The following TENM2 variants were observed in gnomAD, a reference collection of about 807,000 sequenced individuals.
TENM2 encodes the protein teneurin transmembrane protein 2.
In TENM2, 52 loss-of-function variants were observed where a neutral mutation model predicts 245.2. That is an observed-to-expected ratio of 0.21 (90% CI 0.17 to 0.27). TENM2 has a LOEUF of 0.27. Ranked by LOEUF, TENM2 falls within the 10% of genes least tolerant of loss-of-function variation. The pLI is 1.00. For missense variants in TENM2, 3,046 were observed against 3,666.8 expected, an observed-to-expected ratio of 0.83 and a Z score of 4.37; for synonymous variants, 1,363 against 1,438.9, an observed-to-expected ratio of 0.95 and a Z score of 1.19.
chr5:167,476,417 A>G (rs1767379409), intron 2 of TENM2, among the ~76,000 whole-genome samples: 1 of 152,166 alleles, frequency 6.6e-6, no homozygotes, highest in African/African-American at 2.4e-5. Flanking sequence ...GACACATTTC[A>G]TTATAAAATG....
intron 2 of TENM2, among the ~76,000 whole-genome samples, chr5:167,506,982 A>C (rs1769602694): frequency 6.6e-6 from 1 of 152,210 alleles, no homozygotes; most frequent in Non-Finnish European, 1.5e-5. Context: ...AGACTTAAAC[A>C]ACTTTTCTAA....
intron 5 of TENM2, among the ~76,000 whole-genome samples, chr5:167,997,387 C>A (rs896961691): frequency 2.6e-5 from 4 of 152,224 alleles, no homozygotes; most frequent in Non-Finnish European, 5.9e-5. Context: ...TAGTTGGTTC[C>A]TGCTTCCTGA....
At chr5:167,884,163 G>A (rs1313871324) in intron 3 of TENM2, among the ~76,000 whole-genome samples, 3 of 152,186 alleles carry the variant, frequency 2.0e-5, no homozygotes, top group Non-Finnish European at 4.4e-5. Context: ...TCTAAATACC[G>A]TTAAAAGAGG....
chr5:167,839,290 G>A (rs1769270684), intron 2 of TENM2, among the ~76,000 whole-genome samples: 1 of 152,164 alleles, frequency 6.6e-6, no homozygotes, highest in Non-Finnish European at 1.5e-5. Context: ...TGCCCCGAAG[G>A]CAACTGTTTA....
chr5:167,900,931 G>A lies in TENM2; in HGVS notation c.712+24736G>A, dbSNP rs112822331. 6.4e-4 allele frequency among the ~76,000 whole-genome samples: 97 copies of A among 152,098 alleles called. 1 individual carries two copies. Among genetic ancestry groups the A allele is most frequent in the African/African-American group, 2.3e-3 (96 of 41,490 alleles). On this transcript the variant is annotated intron_variant, in intron 3 of 28. Coordinates refer to ENST00000518659, the Ensembl canonical transcript of TENM2. ...ACAGGACTGGATGTACTCCTGAGGA[G>A]TCCTGCGGGGTGGGGGACAGGAATG...
intron 2 of TENM2, among the ~76,000 whole-genome samples, chr5:167,760,067 G>A (rs764567294): frequency 5.9e-5 from 9 of 152,174 alleles, no homozygotes; most frequent in Non-Finnish European, 1.2e-4. Flanking sequence ...GTCACTGTAG[G>A]TATTTGGAGA....
the TENM2 span, among the ~76,000 whole-genome samples, chr5:167,078,939 A>G: frequency 6.6e-6 from 1 of 152,152 alleles, no homozygotes; most frequent in African/African-American, 2.4e-5. Flanking sequence ...CAGCGATATC[A>G]CAAACGCACA....
At chr5:167,532,471 C>T (rs887871393) in intron 2 of TENM2, among the ~76,000 whole-genome samples, 2 of 152,002 alleles carry the variant, frequency 1.3e-5, no homozygotes, top group Non-Finnish European at 2.9e-5. Context: ...GAGCAAGTCA[C>T]GTCTTACGTG....
At chr5:167,788,780 C>T (rs1764749858) in intron 2 of TENM2, among the ~76,000 whole-genome samples, 1 of 152,194 alleles carries the variant, frequency 6.6e-6, no homozygotes, top group Non-Finnish European at 1.5e-5. Flanking sequence ...CTTAGATCAT[C>T]AGCTTCCTCT....
intron 24 of TENM2, among the ~76,000 whole-genome samples, chr5:168,227,318 A>G (rs1554227213): frequency 6.6e-6 from 1 of 152,140 alleles, no homozygotes; most frequent in Non-Finnish European, 1.5e-5. Context: ...GAGTCTCTTC[A>G]GAGTTCTCTT....
At chr5:168,081,833 A>G (rs1374199213) in intron 7 of TENM2, among the ~76,000 whole-genome samples, 1 of 152,172 alleles carries the variant, frequency 6.6e-6, no homozygotes, top group Non-Finnish European at 1.5e-5. Flanking sequence ...TTTGTGGGTA[A>G]CCAGACCTTT....
At chr5:167,101,938 A>T in the TENM2 span, among the ~76,000 whole-genome samples, 182 of 111,124 alleles carry the variant, frequency 1.6e-3, 1 homozygote, top group East Asian at 5.9e-3. Flanking sequence ...ATATATATAT[A>T]TTTTTTTTTT....
chr5:168,144,451 A>G (rs1755860842), intron 12 of TENM2, among the ~76,000 whole-genome samples: 1 of 151,964 alleles, frequency 6.6e-6, no homozygotes, highest in Non-Finnish European at 1.5e-5. Context: ...TGTTCTTGCA[A>G]TAGTTTACTG....
At position 167,318,255 on chromosome 5, in the gene TENM2, A is replaced by T. The variant is rs565616032; in HGVS notation, c.226+33192A>T. 3.9e-5 allele frequency among the ~76,000 whole-genome samples: 6 copies of T among 152,290 alleles called. No homozygotes were observed. In the South Asian group the frequency reaches 1.0e-3, roughly 26 times the overall value. Reference sequence around the variant, plus strand: ...CAATCGTGTTGGTAATGGGGCTCAGAGGAGAATACCTTGAGAAAATTTGAA... The same window carrying T: ...CAATCGTGTTGGTAATGGGGCTCAGTGGAGAATACCTTGAGAAAATTTGAA... On this transcript the variant is annotated intron_variant, in intron 1 of 28. Coordinates refer to ENST00000518659, the Ensembl canonical transcript of TENM2.
chr5:168,263,602 C>A (rs538818533), downstream of TENM2: 1 of 152,590 alleles, frequency 6.6e-6, no homozygotes, highest in Non-Finnish European at 1.5e-5. Flanking sequence ...TTTATTTGAG[C>A]GCAGAGTGTA....
the TENM2 span, among the ~76,000 whole-genome samples, chr5:166,996,729 G>T: frequency 6.6e-6 from 1 of 152,212 alleles, no homozygotes; most frequent in African/African-American, 2.4e-5. Flanking sequence ...ACCAAGGAAA[G>T]ATTTTGTACC....
chr5:167,885,892 A>G (rs1774245593), intron 3 of TENM2, among the ~76,000 whole-genome samples: 1 of 152,220 alleles, frequency 6.6e-6, no homozygotes, highest in Non-Finnish European at 1.5e-5. Context: ...CATGTTGGAC[A>G]GGCTGGCCTC....
the TENM2 span, among the ~76,000 whole-genome samples, chr5:166,981,773 T>C: frequency 4.6e-5 from 7 of 152,286 alleles, no homozygotes; most frequent in South Asian, 4.1e-4. Context: ...GAGGTTGTTT[T>C]TTTTACCCAG....
chr5:167,613,630 G>T (rs1368563491), intron 2 of TENM2, among the ~76,000 whole-genome samples: 1 of 152,030 alleles, frequency 6.6e-6, no homozygotes, highest in African/African-American at 2.4e-5. Flanking sequence ...AGAAAGATGA[G>T]CTACATAAAT....
Sources: allele counts gnomAD v4.1 joint callset (sites outside exome capture counted in the v4.1 genomes callset), GRCh38; gene constraint gnomAD v4.1.1; transcripts MANE v1.5; gene names NCBI Gene and HGNC (gene_info 2026-07-23, HGNC 2026-07-21).